Variants in CORIN observed in about 807,000 individuals in gnomAD.
The protein encoded by CORIN is corin, serine peptidase.
CORIN carries 117 observed loss-of-function variants against 125.3 expected under a neutral mutation model. The ratio of observed to expected loss-of-function variants is 0.93; its 90% CI spans 0.80 to 1.09. CORIN has a LOEUF of 1.09. Among genes scored for constraint, CORIN ranks in the 50% least tolerant of loss-of-function variants. The pLI, the probability that CORIN is intolerant of heterozygous loss-of-function variation, is 0.00. For synonymous variants in CORIN, 450 were observed against 466.4 expected (o/e 0.96, Z 0.45); for missense variants, 1,253 against 1,306.7 (o/e 0.96, Z 0.63).
chr4:47,619,860 C>CAAATA (rs942670043), intron 19 of CORIN, among the ~76,000 whole-genome samples: 6 of 152,146 alleles, frequency 3.9e-5, no homozygotes, highest in Non-Finnish European at 8.8e-5. Flanking sequence ...CTTCTTATTA[C>CAAATA]CATGGAGTTA....
At chr4:47,779,332 C>T (rs539474302) in intron 3 of CORIN, among the ~76,000 whole-genome samples, 41 of 152,226 alleles carry the variant, frequency 2.7e-4, no homozygotes, top group Middle Eastern at 6.8e-3. Flanking sequence ...TAATTAGACT[C>T]CCTTTCTCAA....
chr4:47,799,106 GGTGTGTGTGTGTGT>G (rs764434569), intron 2 of CORIN, among the ~76,000 whole-genome samples: 11 of 141,450 alleles, frequency 7.8e-5, no homozygotes, highest in Admixed American at 2.8e-4. Flanking sequence ...TATCCCATGG[GGTGTGTGTGTGTGT>G]GTGTGTGTGT....
chr4:47,837,472 G>A (rs963811316), intron 1 of CORIN: 7 of 281,192 alleles, frequency 2.5e-5, no homozygotes, highest in Non-Finnish European at 4.8e-5. Context: ...GGCTGGCTCC[G>A]ACAGCTCCAC....
chr4:47,835,781 T>TA (rs1733367248), intron 1 of CORIN, among the ~76,000 whole-genome samples: 1 of 152,370 alleles, frequency 6.6e-6, no homozygotes, highest in Non-Finnish European at 1.5e-5. Context: ...GCCTGCCTTC[T>TA]ATGCTGTTGC....
chr4:47,694,419 A>C (rs944479938), intron 5 of CORIN, among the ~76,000 whole-genome samples: 1 of 152,074 alleles, frequency 6.6e-6, no homozygotes, highest in Admixed American at 6.6e-5. Context: ...TAGAACCTTC[A>C]AAAATCTCCT....
At chr4:47,685,586 G>T (rs1725474883) in intron 6 of CORIN, among the ~76,000 whole-genome samples, 1 of 152,096 alleles carries the variant, frequency 6.6e-6, no homozygotes, top group South Asian at 2.1e-4. Flanking sequence ...GTATTGTGCG[G>T]TTAGTCGCAT....
chr4:47,627,610 G>C (rs899184888), intron 16 of CORIN, among the ~76,000 whole-genome samples: 1 of 152,018 alleles, frequency 6.6e-6, no homozygotes, highest in African/African-American at 2.4e-5. Flanking sequence ...CTTTTTCTTG[G>C]CCAAAATGAA....
intron 5 of CORIN, among the ~76,000 whole-genome samples, chr4:47,709,458 A>G (rs1195936081): frequency 6.6e-6 from 1 of 151,924 alleles, no homozygotes; most frequent in Non-Finnish European, 1.5e-5. Context: ...ACACCTGGCT[A>G]ATTTTTGTAT....
chr4:47,600,971 A>G (rs1187005140), intron 20 of CORIN, among the ~76,000 whole-genome samples: 4 of 152,240 alleles, frequency 2.6e-5, no homozygotes, highest in African/African-American at 9.6e-5. Context: ...AAGAATGACA[A>G]TGGATTTCTT....
intron 14 of CORIN, 72 bp from the exon 15 acceptor site, chr4:47,643,328 C>T: frequency 7.4e-7 from 1 of 1,344,098 alleles, no homozygotes; most frequent in South Asian, 1.4e-5. Context: ...ACATGCATAT[C>T]TTCATGTGCC....
rs763507896 is a variant in CORIN, at chr4:47,744,368, T to A, written c.799+34A>T. ...GTATAAATGGCATACTCAAATAAAA[T>A]CTTCTAAAAATGAAATGAAACACAG... is the stretch of plus-strand genomic sequence containing the variant. On this transcript the variant is annotated intron_variant, in intron 5 of 21. Coordinates refer to ENST00000273857, the MANE Select transcript of CORIN (RefSeq NM_006587.4). 1.9e-6 allele frequency: 3 copies of A among 1,588,482 alleles called. No individual in the cohort carries two copies. The Admixed American group carries it at 5.1e-5, about 27-fold the overall frequency.
intron 1 of CORIN, among the ~76,000 whole-genome samples, chr4:47,821,745 C>A (rs929946727): frequency 6.6e-6 from 1 of 152,076 alleles, no homozygotes; most frequent in African/African-American, 2.4e-5. Context: ...TACTTTGAGA[C>A]AAAACCAAAC....
At chr4:47,689,484 T>C (rs1469551770) in intron 6 of CORIN, among the ~76,000 whole-genome samples, 1 of 152,134 alleles carries the variant, frequency 6.6e-6, no homozygotes, top group African/African-American at 2.4e-5. Context: ...ATAGCCACCA[T>C]CCTCAAAAAT....
chr4:47,686,584 G>C (rs1389215930), intron 6 of CORIN, among the ~76,000 whole-genome samples: 4 of 151,512 alleles, frequency 2.6e-5, no homozygotes, highest in South Asian at 2.1e-4. Context: ...TAGATCTGGG[G>C]AATTCGTGCA....
In CORIN at chr4:47,613,701, C is replaced by G. The variant is rs562139938; in HGVS notation, c.2540+9870G>C. Among the ~76,000 whole-genome samples, 4 of 145,482 alleles carry G rather than the reference C, an allele frequency of 2.7e-5. No homozygotes were observed. The East Asian group carries it at 8.4e-4, about 30-fold the overall frequency. ...GAAATCATCATTCTCAGTAAACTAT[C>G]GCAAGAACAAAAAACCAAACACCGC... On this transcript the variant is annotated intron_variant, in intron 19 of 21. Coordinates refer to ENST00000273857, the MANE Select transcript of CORIN (RefSeq NM_006587.4).
chr4:47,681,972 A>T (rs910879935), intron 7 of CORIN: 1 of 152,226 alleles, frequency 6.6e-6, no homozygotes, highest in African/African-American at 2.4e-5. Flanking sequence ...CAAAAGAATA[A>T]AATCCTGTTA....
rs555465194 is a variant in CORIN at position 47,753,152 on chromosome 4, G to T, written c.618-8569C>A. On this transcript the variant is annotated intron_variant, in intron 4 of 21. Coordinates refer to ENST00000273857, the MANE Select transcript of CORIN (RefSeq NM_006587.4). Reference sequence around the variant, plus strand: ...CATCACATATTGGTAGATCCGTGATGTCCCCTTGAGCCGCAAAACCAGCAG... The same window carrying T: ...CATCACATATTGGTAGATCCGTGATTTCCCCTTGAGCCGCAAAACCAGCAG... 1.8e-3 allele frequency among the ~76,000 whole-genome samples: 281 copies of T among 152,206 alleles called. 2 individuals carry two copies. The highest frequency in any genetic ancestry group is 6.1e-3 in the African/African-American group (255 of 41,516).
At chr4:47,804,467 A>G (rs1011672889) in intron 2 of CORIN, among the ~76,000 whole-genome samples, 1 of 152,178 alleles carries the variant, frequency 6.6e-6, no homozygotes, top group Admixed American at 6.5e-5. Flanking sequence ...AATGTCCATC[A>G]ACAGATGATT....
chr4:47,637,842 G>A (rs1723088310), intron 16 of CORIN, among the ~76,000 whole-genome samples: 1 of 152,172 alleles, frequency 6.6e-6, no homozygotes, highest in East Asian at 1.9e-4. Context: ...ATTGCCTAGT[G>A]GAGCTGTGAG....
Sources: allele counts gnomAD v4.1 joint callset (sites outside exome capture counted in the v4.1 genomes callset), GRCh38; gene constraint gnomAD v4.1.1; transcripts MANE v1.5; gene names NCBI Gene and HGNC (gene_info 2026-07-23, HGNC 2026-07-21).